CCT7: variants seen among roughly 807,000 people sequenced by gnomAD.
CCT7 encodes the protein chaperonin containing TCP1 subunit 7, also known as T-complex protein 1 subunit eta.
CCT7 carries 16 observed loss-of-function variants against 56.6 expected under a neutral mutation model. The ratio of observed to expected loss-of-function variants is 0.28; its 90% CI spans 0.19 to 0.43. The LOEUF is 0.43. Ranked by LOEUF, CCT7 falls within the 20% of genes least tolerant of loss-of-function variation. CCT7 has a pLI of 1.00. For synonymous variants in CCT7, 262 were observed against 254.8 expected (o/e 1.03, Z -0.27); for missense variants, 519 against 685.6 (o/e 0.76, Z 2.71).
chr2:73,235,258 C>T (rs1686826720), intron 1 of CCT7, among the ~76,000 whole-genome samples: 1 of 152,168 alleles, frequency 6.6e-6, no homozygotes, highest in Non-Finnish European at 1.5e-5. Context: ...TTCCGTGGGT[C>T]CCAAGCCTCG....
intron 4 of CCT7, chr2:73,243,708 T>C (rs1687212321): frequency 5.5e-6 from 2 of 363,192 alleles, no homozygotes; most frequent in Non-Finnish European, 9.9e-6. Context: ...CACAGCTGTT[T>C]CCACTCATTC....
chr2:73,251,098 T>G, intron 10 of CCT7, 128 bp from the exon 11 acceptor site: 1 of 796,804 alleles, frequency 1.3e-6, no homozygotes, highest in Non-Finnish European at 2.1e-6. Context: ...GTCTGGGCGT[T>G]TGGGGCTTGG....
At position 73,249,663 on chromosome 2, in the gene CCT7, CAG is replaced by C. The variant is rs909690151; in HGVS notation, c.973-151_973-150del. On this transcript the variant is annotated intron_variant, in intron 8 of 11. Coordinates refer to ENST00000258091, the MANE Select transcript of CCT7 (RefSeq NM_006429.4). ...CTATTTTGTTTTTTTTTTGCTCTTTCAGAGAGGGGGAAGGGTCGCCTGGAAGT... is the reference window on the plus strand; with the variant it reads ...CTATTTTGTTTTTTTTTTGCTCTTTCAGAGGGGGAAGGGTCGCCTGGAAGT... 2.7e-5 allele frequency among the ~76,000 whole-genome samples: 4 copies of C among 150,708 alleles called. No individual in the cohort carries two copies. The South Asian group carries it at 6.3e-4, about 24-fold the overall frequency.
chr2:73,235,431 C>A (rs1686835927), intron 1 of CCT7: 1 of 357,930 alleles, frequency 2.8e-6, no homozygotes, highest in Non-Finnish European at 4.1e-6. Context: ...TTTCTCTGTC[C>A]TGTTAGGGAC....
At position 73,252,894 on chromosome 2, in the gene CCT7, T is replaced by C; in HGVS notation, c.*33T>C. 1 of 1,551,722 alleles carries C rather than the reference T, an allele frequency of 6.4e-7. No homozygotes were observed. The highest frequency in any genetic ancestry group is 8.9e-7 in the Non-Finnish European group (1 of 1,127,444). ...CCCACCCATCACATGGCTGGCTGGC[T>C]GCTGGGTGCACTTACCCTCCTTGGC... On this transcript the variant is annotated 3_prime_UTR_variant, in exon 12 of 12. Coordinates refer to ENST00000258091, the MANE Select transcript of CCT7 (RefSeq NM_006429.4).
chr2:73,248,456 T>G, intron 7 of CCT7, among the ~76,000 whole-genome samples: 1 of 152,138 alleles, frequency 6.6e-6, no homozygotes, highest in East Asian at 1.9e-4. Flanking sequence ...GTTCAAGTGA[T>G]TCCCCTGCCT....
intron 1 of CCT7, chr2:73,235,641 C>T (rs933858382): frequency 2.6e-6 from 2 of 768,504 alleles, no homozygotes; most frequent in African/African-American, 3.8e-5. Context: ...ACACTGAATG[C>T]CTAGGTTTGT....
At chr2:73,238,842 C>T (rs10198711) in intron 1 of CCT7, among the ~76,000 whole-genome samples, 14,471 of 152,202 alleles carry the variant, frequency 0.095, 913 homozygotes, top group African/African-American at 0.18. Context: ...GATATCTGAG[C>T]GGGCCCTTTA....
In CCT7 at chr2:73,250,264, C is replaced by T. The variant is rs760072717; in HGVS notation, c.1071-42C>T. Reference sequence around the variant, plus strand: ...TGAGGACAATACAGTAGGATGGTGGCAGACAAGAGTTCATGTGTGTACTGT... The same window carrying T: ...TGAGGACAATACAGTAGGATGGTGGTAGACAAGAGTTCATGTGTGTACTGT... On this transcript the variant is annotated intron_variant, in intron 9 of 11. Transcript: ENST00000258091. The T allele has an allele frequency of 2.9e-5, 47 of 1,610,380 alleles. No homozygotes were observed. In the East Asian group the frequency reaches 1.0e-3, roughly 35 times the overall value.
intron 4 of CCT7, chr2:73,243,723 T>G (rs1687212853): frequency 2.5e-6 from 1 of 407,702 alleles, no homozygotes; most frequent in African/African-American, 2.0e-5. Context: ...TCATTCGTTG[T>G]AGCGTGTTAC....
At chr2:73,250,011 C>A in intron 9 of CCT7, 95 bp downstream of exon 9, 1 of 899,940 alleles carries the variant, frequency 1.1e-6, no homozygotes, top group Non-Finnish European at 1.9e-6. Flanking sequence ...AAAGTCTCAC[C>A]TTTGTGTACA....
chr2:73,239,796 G>C lies in CCT7; in HGVS notation c.160G>C (p.Gly54Arg). The C allele has an allele frequency of 6.2e-7, 1 of 1,613,814 alleles. No individual in the cohort carries two copies. Among genetic ancestry groups the C allele is most frequent in the South Asian group, 1.1e-5 (1 of 91,046 alleles). ...GMDKLIVDGR[G>R]KATISNDGAT... ...GGACAAGCTTATTGTAGATGGCAGA[G>C]GTAAGTCTACAGAGTTCCTCAGGCC... Residue 54 changes from glycine (G) to arginine (R), a missense_variant and splice_region_variant, in exon 2 of 12, where the codon GGC (glycine) becomes CGC (arginine). Gly to Arg is a moderately radical substitution (Grantham distance 125). Transcript: ENST00000258091.
In CCT7 at chr2:73,251,306, A is replaced by G; in HGVS notation, c.1284A>G (p.Pro428=). 1 of 1,614,224 alleles carries G rather than the reference A, an allele frequency of 6.2e-7. No homozygotes were observed. The highest frequency in any genetic ancestry group is 2.2e-5 in the East Asian group (1 of 44,884). Residue 428 remains proline (P), a synonymous_variant, in exon 11 of 12, where the codon CCA becomes CCG. Transcript: ENST00000258091. ...TGCGGGATTACTCAAGGACTATTCCAGGAAAACAGCAGCTGTTGATTGGGG... is the reference window on the plus strand; with the variant it reads ...TGCGGGATTACTCAAGGACTATTCCGGGAAAACAGCAGCTGTTGATTGGGG... ...KYLRDYSRTI[P]GKQQLLIGAY...
chr2:73,239,031 A>G (rs1686995115), intron 1 of CCT7: 1 of 152,296 alleles, frequency 6.6e-6, no homozygotes, highest in Non-Finnish European at 1.5e-5. Context: ...AGATGGAAAC[A>G]TTGCTGTATG....
intron 1 of CCT7, among the ~76,000 whole-genome samples, chr2:73,236,360 G>T (rs13430504): frequency 0.35 from 53,108 of 150,296 alleles, 9,352 homozygotes; most frequent in East Asian, 0.38. Context: ...TTTTTTTCCC[G>T]AGATGGAGTC....
intron 8 of CCT7, among the ~76,000 whole-genome samples, 195 bp downstream of exon 8, chr2:73,249,374 C>T (rs1295081076): frequency 6.6e-6 from 1 of 152,056 alleles, no homozygotes; most frequent in East Asian, 1.9e-4. Context: ...TTTAGTCTAA[C>T]CAAAACAAGT....
intron 1 of CCT7, among the ~76,000 whole-genome samples, chr2:73,236,613 A>G (rs1181676528): frequency 2.0e-5 from 3 of 152,240 alleles, no homozygotes; most frequent in African/African-American, 7.2e-5. Flanking sequence ...TGCTGGGATT[A>G]CAGGCGTGAG....
chr2:73,245,995 T>C (rs956970962), intron 6 of CCT7, among the ~76,000 whole-genome samples: 3 of 152,178 alleles, frequency 2.0e-5, no homozygotes, highest in Non-Finnish European at 2.9e-5. Context: ...AATCTAGAAA[T>C]GGCATCCATT....
intron 1 of CCT7, chr2:73,239,219 C>G (rs1489331381): frequency 6.3e-6 from 1 of 157,486 alleles, no homozygotes; most frequent in African/African-American, 2.4e-5. Flanking sequence ...ATCTGCTTCT[C>G]TAAGATTGAG....
Sources: gnomAD v4.1 joint callset for allele counts (sites outside exome capture counted in the v4.1 genomes callset) on GRCh38, gnomAD v4.1.1 for gene constraint, MANE v1.5 for transcripts, NCBI Gene and HGNC (gene_info 2026-07-23, HGNC 2026-07-21) for gene names.